Variants in CIT observed in about 807,000 individuals in gnomAD.
CIT encodes the protein citron Rho-interacting kinase.
In CIT, 79 loss-of-function variants were observed where a neutral mutation model predicts 272.7. The observed-to-expected ratio is 0.29, with a 90% CI of 0.24 to 0.35. The LOEUF (loss-of-function observed/expected upper bound fraction) is 0.35, where lower values mean the gene tolerates loss of function less well. Among genes scored for constraint, CIT ranks in the 10% least tolerant of loss-of-function variants. The pLI is 1.00. For missense variants in CIT, 1,909 were observed against 2,618.3 expected (o/e 0.73, Z 5.91); for synonymous variants, 948 against 995.6 (o/e 0.95, Z 0.90).
intron 2 of CIT, among the ~76,000 whole-genome samples, chr12:119,870,053 G>A (rs772123787): frequency 6.6e-6 from 1 of 152,146 alleles, no homozygotes; most frequent in African/African-American, 2.4e-5. Context: ...TGATTCCCAC[G>A]TGCCAAGCCA....
chr12:119,832,769 A>C lies in CIT; in HGVS notation c.753+2T>G. The C allele has an allele frequency of 6.2e-7, 1 of 1,610,016 alleles. No individual in the cohort carries two copies. Among genetic ancestry groups the C allele is most frequent in the Non-Finnish European group, 8.5e-7 (1 of 1,176,270 alleles). ...ATTAAGCTATCTTATTCCATTTTTT[A>C]CCATCTTGTTTGAATTCATTTTCGC... On this transcript the variant is annotated splice_donor_variant, in intron 7 of 47. Transcript: ENST00000392521. LOFTEE classifies it high-confidence loss of function.
chr12:119,861,901 A>T lies in CIT; in HGVS notation c.239-4203T>A, dbSNP rs956462846. On this transcript the variant is annotated intron_variant, in intron 3 of 47. Coordinates refer to ENST00000392521, the MANE Select transcript of CIT (RefSeq NM_001206999.2). ...TACAAGTCCGCCCATATAAAAGAAC[A>T]TTAGGCACATGTTAAACAGAACAAG... Among the ~76,000 whole-genome samples the T allele has an allele frequency of 3.9e-5, 6 of 152,256 alleles. 1 individual carries two copies. Among genetic ancestry groups the T allele is most frequent in the Admixed American group, 2.6e-4 (4 of 15,288 alleles).
intron 3 of CIT, among the ~76,000 whole-genome samples, chr12:119,858,591 C>T (rs1950238537): frequency 6.6e-6 from 1 of 151,664 alleles, no homozygotes; most frequent in Non-Finnish European, 1.5e-5. Flanking sequence ...GAGGCCGAAG[C>T]GGGTGGATCA....
At position 119,718,888 on chromosome 12, in the gene CIT, T is replaced by C; in HGVS notation, c.3841-27A>G. On this transcript the variant is annotated intron_variant, in intron 30 of 47. Transcript: ENST00000392521. The surrounding 1 kb of genome is among the most constrained non-coding windows in gnomAD (Gnocchi z 4.8). ...TAGCAATGGAAACAGAGATATCTCC[T>C]AACTCCTGGAAACTGGCACTTGAAA... 6.2e-7 allele frequency: 1 copy of C among 1,610,908 alleles called. No homozygotes were observed. The highest frequency in any genetic ancestry group is 2.2e-5 in the East Asian group (1 of 44,816).
At chr12:119,709,401 G>A (rs1401263557) in intron 39 of CIT, among the ~76,000 whole-genome samples, 1 of 151,872 alleles carries the variant, frequency 6.6e-6, no homozygotes, top group Admixed American at 6.6e-5. Context: ...ATATGAGAAC[G>A]GGGGTATATG....
intron 4 of CIT, among the ~76,000 whole-genome samples, chr12:119,853,758 G>C (rs1201743585): frequency 6.6e-6 from 1 of 152,034 alleles, no homozygotes; most frequent in Non-Finnish European, 1.5e-5. Context: ...GCACATAAAA[G>C]GTGTCCAAGG....
At chr12:119,759,649 A>T (rs531298381) in intron 20 of CIT, among the ~76,000 whole-genome samples, 1 of 152,128 alleles carries the variant, frequency 6.6e-6, no homozygotes, top group South Asian at 2.1e-4. Flanking sequence ...CCGTCTCAAA[A>T]ACAAAACAAA....
chr12:119,815,282 C>T (rs1307229117), intron 9 of CIT, among the ~76,000 whole-genome samples: 1 of 150,358 alleles, frequency 6.7e-6, no homozygotes, highest in Non-Finnish European at 1.5e-5. Flanking sequence ...GAGAAGAGCA[C>T]TGCTTATCAG....
intron 1 of CIT, 34 bp from the exon 2 acceptor site, chr12:119,876,215 A>C (rs377215079): frequency 5.6e-6 from 8 of 1,423,518 alleles, no homozygotes; most frequent in Non-Finnish European, 6.9e-6. Context: ...AGTGTGTCCT[A>C]TGTTTTGAGC....
Position 119,822,929 on chromosome 12 carries a change from A to G in CIT, c.1002T>C (p.Phe334=). ...ACAACAAGCTTTGAATCAGATCAAG[A>G]AAGTCACTGCTCACTTTGGGGTCAT... ...FPDDPKVSSD[F]LDLIQSLLCG... is the part of the protein sequence containing the mutation. Residue 334 remains phenylalanine, a synonymous_variant, in exon 9 of 48, where the codon TTT becomes TTC. Transcript: ENST00000392521. 3 of 1,614,092 alleles carry G rather than the reference A, an allele frequency of 1.9e-6. No homozygotes were observed. Among genetic ancestry groups the G allele is most frequent in the African/African-American group, 1.3e-5 (1 of 75,056 alleles).
At chr12:119,709,812 G>C (rs2137046883) in intron 39 of CIT, among the ~76,000 whole-genome samples, 1 of 150,580 alleles carries the variant, frequency 6.6e-6, no homozygotes, top group Admixed American at 6.6e-5. Flanking sequence ...GTGTGTGTGT[G>C]TGTGTGTGTG....
intron 23 of CIT, among the ~76,000 whole-genome samples, chr12:119,746,631 A>T (rs1218103014): frequency 1.3e-5 from 2 of 152,164 alleles, no homozygotes; most frequent in African/African-American, 4.8e-5. Flanking sequence ...TAACTCTCCC[A>T]CTGGAGTCTG....
At position 119,697,565 on chromosome 12, in the gene CIT, A is replaced by G; in HGVS notation, c.5882+94T>C. On this transcript the variant is annotated intron_variant, in intron 46 of 47. Coordinates refer to ENST00000392521, the MANE Select transcript of CIT (RefSeq NM_001206999.2). The surrounding 1 kb of genome is among the most constrained non-coding windows in gnomAD (Gnocchi z 4.9). ...GTTTGAGCTTAAGAACAAAGTGAAG[A>G]TTGGGAAACATTCTACTGGTTTAGT... 7.7e-7 allele frequency: 1 copy of G among 1,293,650 alleles called. No homozygotes were observed. The highest frequency in any genetic ancestry group is 1.1e-6 in the Non-Finnish European group (1 of 934,010). The allele number at this position is 1,293,650 out of a possible 1,614,324, so 80.1% of individuals were successfully genotyped here.
intron 44 of CIT, among the ~76,000 whole-genome samples, chr12:119,699,441 A>G (rs529393928): frequency 2.6e-5 from 4 of 152,286 alleles, no homozygotes; most frequent in South Asian, 2.1e-4. Context: ...CCTTGTGGCA[A>G]GACTTGGTAT....
intron 10 of CIT, among the ~76,000 whole-genome samples, chr12:119,790,126 T>C (rs1057151956): frequency 2.0e-5 from 3 of 152,082 alleles, no homozygotes; most frequent in Non-Finnish European, 4.4e-5. Context: ...AATCATAGCT[T>C]GAGAGGTTCG....
At position 119,720,603 on chromosome 12, in the gene CIT, AAACT is replaced by A. The variant is rs1490424830; in HGVS notation, c.3733-22_3733-19del. 2.6e-5 allele frequency: 40 copies of A among 1,529,128 alleles called. No homozygotes were observed. In the Admixed American group the frequency reaches 7.9e-4, roughly 30 times the overall value. 94.7% of individuals were successfully genotyped at this position (1,529,128 alleles called of 1,614,324 possible). ...TAGAGAACCTAAAATTCAAGAAAACAAACTAACCTCAAATCCAGACAGAAGTATA... is the reference window on the plus strand; with the variant it reads ...TAGAGAACCTAAAATTCAAGAAAACAAACCTCAAATCCAGACAGAAGTATA... On this transcript the variant is annotated intron_variant, in intron 29 of 47. Transcript: ENST00000392521.
At position 119,757,443 on chromosome 12, in the gene CIT, C is replaced by T. The variant is rs1294569127; in HGVS notation, c.2634G>A (p.Gln878=). 1.9e-6 allele frequency: 3 copies of T among 1,614,098 alleles called. No homozygotes were observed. Among genetic ancestry groups the T allele is most frequent in the Non-Finnish European group, 2.5e-6 (3 of 1,180,048 alleles). The change falls in exon 22 of 48, where the codon CAG becomes CAA. Residue 878 remains glutamine, a synonymous_variant. Coordinates refer to ENST00000392521, the MANE Select transcript of CIT (RefSeq NM_001206999.2). ...GGTCTTGGTGGCTGATCTTCTCCAG[C>T]TGCTCCTCCAGTTTTCGGTTCTGGG... is the stretch of plus-strand genomic sequence containing the variant. ...LEAQNRKLEE[Q]LEKISHQDHS...
Position 119,697,492 on chromosome 12 carries a change from A to G in CIT, c.5882+167T>C, listed in dbSNP as rs745793824. Among the ~76,000 whole-genome samples, 2 of 152,214 alleles carry G rather than the reference A, an allele frequency of 1.3e-5. No individual in the cohort carries two copies. The highest frequency in any genetic ancestry group is 2.9e-5 in the Non-Finnish European group (2 of 68,036). On this transcript the variant is annotated intron_variant, in intron 46 of 47. Transcript: ENST00000392521. This position sits in a 1 kb window ranked among gnomAD's most constrained non-coding sequence, Gnocchi z 4.9. ...GTATTTTCTAATTCTCCTGATGCTC[A>G]TAATGGTCTGTGTTATTTCAGTGCC...
intron 20 of CIT, among the ~76,000 whole-genome samples, chr12:119,759,852 TACTA>T: frequency 6.6e-6 from 1 of 151,584 alleles, no homozygotes; most frequent in African/African-American, 2.4e-5. Flanking sequence ...GGTGTGGGGG[TACTA>T]ACTAAAAATT....
Sources: allele counts gnomAD v4.1 joint callset (sites outside exome capture counted in the v4.1 genomes callset), GRCh38; gene constraint gnomAD v4.1.1; non-coding constraint Gnocchi (gnomAD v3.1); transcripts MANE v1.5; gene names NCBI Gene and HGNC (gene_info 2026-07-23, HGNC 2026-07-21).